The following UNC5C variants were observed in gnomAD, a reference collection of about 807,000 sequenced individuals.
The protein encoded by UNC5C is unc-5 netrin receptor C.
Under a neutral mutation model 99.8 loss-of-function variants are expected in UNC5C, and 47 were observed. The ratio of observed to expected loss-of-function variants is 0.47; its 90% CI spans 0.37 to 0.60. UNC5C has a LOEUF of 0.60. UNC5C is among the 20% of genes least tolerant of loss of function. The probability of loss-of-function intolerance (pLI) is 0.00; values close to 1 mark genes in which losing one functional copy is unlikely to be tolerated. For missense variants in UNC5C, 1,062 were observed against 1,165.9 expected (o/e 0.91, Z 1.30); for synonymous variants, 487 against 452.2 (o/e 1.08, Z -0.98).
intron 2 of UNC5C, among the ~76,000 whole-genome samples, chr4:95,313,289 G>C (rs527893124): frequency 9.2e-5 from 14 of 152,260 alleles, no homozygotes; most frequent in Non-Finnish European, 2.1e-4. Flanking sequence ...TGGTTCTTTG[G>C]AGCAGTGAGA....
In UNC5C at chr4:95,191,347, A is replaced by C. The variant is rs146415470; in HGVS notation, c.2137-6151T>G. ...GAGCCCCCAGGCAACAGAGTGGCAT[A>C]TACTTGGATGCTTTGAAGTATATCT... is the stretch of plus-strand genomic sequence containing the variant. On this transcript the variant is annotated intron_variant, in intron 12 of 15. Coordinates refer to ENST00000453304, the MANE Select transcript of UNC5C (RefSeq NM_003728.4). 6.4e-3 allele frequency among the ~76,000 whole-genome samples: 981 copies of C among 152,256 alleles called. 11 individuals carry two copies. Among genetic ancestry groups the C allele is most frequent in the African/African-American group, 0.023 (935 of 41,544 alleles).
chr4:95,496,732 G>A (rs1392402830), intron 1 of UNC5C, among the ~76,000 whole-genome samples: 1 of 151,568 alleles, frequency 6.6e-6, no homozygotes, highest in Non-Finnish European at 1.5e-5. Context: ...GTGGTTCTTG[G>A]TTACATGGAT....
In UNC5C at chr4:95,445,560, T is replaced by G. The variant is rs544350639; in HGVS notation, c.124+103174A>C. Among the ~76,000 whole-genome samples, 6 of 152,320 alleles carry G rather than the reference T, an allele frequency of 3.9e-5. No homozygotes were observed. In the South Asian group the frequency reaches 1.2e-3, roughly 32 times the overall value. On this transcript the variant is annotated intron_variant, in intron 1 of 15. Transcript: ENST00000453304. Reference sequence around the variant, plus strand: ...ATAAGGATACTCTTGTTTATGTTGCTTTATACCAGCGAATCAAGCAACAAA... The same window carrying G: ...ATAAGGATACTCTTGTTTATGTTGCGTTATACCAGCGAATCAAGCAACAAA...
intron 1 of UNC5C, among the ~76,000 whole-genome samples, chr4:95,487,438 C>T (rs1721358218): frequency 6.6e-6 from 1 of 151,704 alleles, no homozygotes. Flanking sequence ...ACAAGAGATA[C>T]AGAAGGGAAA....
At chr4:95,297,451 A>G (rs2149402431) in intron 3 of UNC5C, among the ~76,000 whole-genome samples, 1 of 152,354 alleles carries the variant, frequency 6.6e-6, no homozygotes, top group Non-Finnish European at 1.5e-5. Context: ...AAATTGTTAA[A>G]CATCTGTGAT....
intron 1 of UNC5C, among the ~76,000 whole-genome samples, chr4:95,338,822 A>G (rs1001049544): frequency 2.0e-5 from 3 of 152,072 alleles, no homozygotes; most frequent in Non-Finnish European, 4.4e-5. Flanking sequence ...CAATTATAAG[A>G]TGTTTTAACA....
chr4:95,468,195 A>G (rs952088473), intron 1 of UNC5C, among the ~76,000 whole-genome samples: 1 of 149,804 alleles, frequency 6.7e-6, no homozygotes, highest in Non-Finnish European at 1.5e-5. Flanking sequence ...TCCTTCCACC[A>G]TTTGCTTTAG....
chr4:95,476,324 C>T (rs1459925790), intron 1 of UNC5C, among the ~76,000 whole-genome samples: 1 of 151,974 alleles, frequency 6.6e-6, no homozygotes, highest in Non-Finnish European at 1.5e-5. Context: ...GGCCTCCAGT[C>T]TTTGTAAAGT....
intron 7 of UNC5C, among the ~76,000 whole-genome samples, chr4:95,223,963 A>G (rs1358712176): frequency 6.6e-6 from 1 of 152,152 alleles, no homozygotes; most frequent in Non-Finnish European, 1.5e-5. Flanking sequence ...AAATGCTATG[A>G]TGCTCATCCT....
At chr4:95,242,959 A>G (rs941656359) in intron 6 of UNC5C, among the ~76,000 whole-genome samples, 1 of 151,950 alleles carries the variant, frequency 6.6e-6, no homozygotes, top group African/African-American at 2.4e-5. Context: ...TGGATCCAGG[A>G]TTCCTTCATT....
chr4:95,469,059 C>T (rs1022300469), intron 1 of UNC5C, among the ~76,000 whole-genome samples: 2 of 152,192 alleles, frequency 1.3e-5, no homozygotes, highest in Admixed American at 1.3e-4. Context: ...CAGTCATAAC[C>T]CTGACTGCAT....
Position 95,291,440 on chromosome 4 carries a change from C to T in UNC5C, c.490+10166G>A, listed in dbSNP as rs72674601. 4.6e-5 allele frequency among the ~76,000 whole-genome samples: 7 copies of T among 152,300 alleles called. No homozygotes were observed. The Middle Eastern group carries it at 0.01, about 222-fold the overall frequency. On this transcript the variant is annotated intron_variant, in intron 3 of 15. Transcript: ENST00000453304. The stretch of plus-strand genomic sequence containing the variant: ...CACTTTTCATACAGCATAAAACATA[C>T]TTTAATAACACATTTTTGTCCAGTG...
At chr4:95,362,239 C>G (rs768174511) in intron 1 of UNC5C, among the ~76,000 whole-genome samples, 16 of 152,132 alleles carry the variant, frequency 1.1e-4, no homozygotes, top group South Asian at 4.1e-4. Context: ...GTTTCCCACT[C>G]GCTTCCCCTC....
chr4:95,501,564 C>T (rs960174313), intron 1 of UNC5C, among the ~76,000 whole-genome samples: 3 of 152,104 alleles, frequency 2.0e-5, no homozygotes, highest in African/African-American at 7.2e-5. Flanking sequence ...ATCTCCATCA[C>T]TATTGTTAAA....
At chr4:95,405,163 C>T (rs1249504098) in intron 1 of UNC5C, among the ~76,000 whole-genome samples, 1 of 152,138 alleles carries the variant, frequency 6.6e-6, no homozygotes, top group Admixed American at 6.5e-5. Flanking sequence ...GTCCATTGAG[C>T]CCGTTAACAT....
intron 1 of UNC5C, among the ~76,000 whole-genome samples, chr4:95,392,491 C>T (rs1248357919): frequency 6.6e-6 from 1 of 151,330 alleles, no homozygotes; most frequent in Non-Finnish European, 1.5e-5. Flanking sequence ...GAGTGCAATG[C>T]ACAGGATCAT....
intron 1 of UNC5C, among the ~76,000 whole-genome samples, chr4:95,478,470 C>T (rs1437920304): frequency 1.3e-5 from 2 of 151,958 alleles, no homozygotes; most frequent in Non-Finnish European, 2.9e-5. Flanking sequence ...TTCAGGGCTG[C>T]TTCAAATTCA....
At chr4:95,465,557 C>T (rs1299229539) in intron 1 of UNC5C, among the ~76,000 whole-genome samples, 4 of 152,092 alleles carry the variant, frequency 2.6e-5, no homozygotes. Context: ...TAGTCTTTCT[C>T]CCAGTGCCAT....
intron 1 of UNC5C, among the ~76,000 whole-genome samples, chr4:95,488,982 A>C (rs1721404392): frequency 6.6e-6 from 1 of 151,462 alleles, no homozygotes; most frequent in African/African-American, 2.4e-5. Context: ...TGCTATGTTA[A>C]ATTGTGTTAT....
Sources: allele counts gnomAD v4.1 joint callset (sites outside exome capture counted in the v4.1 genomes callset), GRCh38; gene constraint gnomAD v4.1.1; transcripts MANE v1.5; gene names NCBI Gene and HGNC (gene_info 2026-07-23, HGNC 2026-07-21).